PCDH9: variants seen among roughly 807,000 people sequenced by gnomAD.
PCDH9 encodes protocadherin-9.
In PCDH9, 24 loss-of-function variants were observed where a neutral mutation model predicts 70.6. The ratio of observed to expected loss-of-function variants is 0.34; its 90% CI spans 0.25 to 0.48. The LOEUF (loss-of-function observed/expected upper bound fraction) is 0.48. Ranked by LOEUF, PCDH9 falls within the 20% of genes least tolerant of loss-of-function variation. The probability of loss-of-function intolerance (pLI) is 0.99; values close to 1 mark genes in which losing one functional copy is unlikely to be tolerated. For missense variants in PCDH9, 1,281 were observed against 1,503.6 expected (o/e 0.85, Z 2.45); for synonymous variants, 562 against 558.5 (o/e 1.01, Z -0.09).
chr13:66,433,235 TA>T (rs775945943), intron 4 of PCDH9, among the ~76,000 whole-genome samples: 3 of 151,992 alleles, frequency 2.0e-5, no homozygotes, highest in Non-Finnish European at 4.4e-5. Context: ...AAATGTTAAT[TA>T]AAAGAATAAA....
chr13:66,982,692 C>T lies in PCDH9; in HGVS notation c.3037-79087G>A, dbSNP rs190938231. Among the ~76,000 whole-genome samples the T allele has an allele frequency of 8.5e-5, 13 of 152,174 alleles. No homozygotes were observed. The East Asian group carries it at 2.5e-3, about 29-fold the overall frequency. The stretch of plus-strand genomic sequence containing the variant: ...AACTAACTTGTTCAGGGTAGGACTC[C>T]CCTGAAACCCTACCTTGTAAACAAA... On this transcript the variant is annotated intron_variant, in intron 2 of 4. Transcript: ENST00000377865.
intron 2 of PCDH9, among the ~76,000 whole-genome samples, chr13:67,184,251 T>C (rs1417201095): frequency 6.6e-6 from 1 of 152,178 alleles, no homozygotes; most frequent in Non-Finnish European, 1.5e-5. Flanking sequence ...AATTAAGGCA[T>C]ACAGCTTGTT....
intron 2 of PCDH9, among the ~76,000 whole-genome samples, chr13:67,050,868 C>G (rs747314228): frequency 2.0e-5 from 3 of 151,894 alleles, no homozygotes; most frequent in Non-Finnish European, 4.4e-5. Flanking sequence ...TCCCTAGGTA[C>G]AAAACAACAT....
intron 4 of PCDH9, among the ~76,000 whole-genome samples, chr13:66,500,316 A>G (rs1163214975): frequency 2.0e-5 from 3 of 152,180 alleles, no homozygotes; most frequent in East Asian, 1.9e-4. Context: ...GCAAAGAGCT[A>G]TCTGGGCTCC....
chr13:66,889,334 A>T (rs2082059347), intron 3 of PCDH9, among the ~76,000 whole-genome samples: 1 of 152,170 alleles, frequency 6.6e-6, no homozygotes, highest in South Asian at 2.1e-4. Context: ...TCTCTTCAAC[A>T]TGTGGAAGAA....
Position 66,304,403 on chromosome 13 carries a change from T to C in PCDH9, c.*252A>G. On this transcript the variant is annotated 3_prime_UTR_variant, in exon 5 of 5. Transcript: ENST00000377865. ...AGTCCAGGGTCAAAATAAAATGCAA[T>C]AATAAAAAAAATTTGCACAATGGAG... 3 of 377,540 alleles carry C rather than the reference T, an allele frequency of 7.9e-6. No individual in the cohort carries two copies. The highest frequency in any genetic ancestry group is 1.4e-5 in the Non-Finnish European group (3 of 209,368). 23.4% of individuals were successfully genotyped at this position (377,540 alleles called of 1,614,324 possible). A position where few individuals can be genotyped will look rare whatever the true frequency, so the allele number is the denominator to read the frequency against.
At chr13:66,986,829 A>G (rs2083900666) in intron 2 of PCDH9, among the ~76,000 whole-genome samples, 1 of 152,024 alleles carries the variant, frequency 6.6e-6, no homozygotes, top group Non-Finnish European at 1.5e-5. Flanking sequence ...GTTTAAAATA[A>G]AATGAAAACA....
intron 4 of PCDH9, among the ~76,000 whole-genome samples, chr13:66,445,357 A>G (rs1421320788): frequency 6.8e-6 from 1 of 147,300 alleles, no homozygotes; most frequent in Non-Finnish European, 1.5e-5. Context: ...AAGTTAGTTG[A>G]AATGCTATAC....
intron 2 of PCDH9, among the ~76,000 whole-genome samples, chr13:66,951,434 A>G (rs955225487): frequency 6.6e-6 from 1 of 152,082 alleles, no homozygotes; most frequent in Non-Finnish European, 1.5e-5. Context: ...TTTGTTTTTC[A>G]TATCAGAAAG....
At chr13:67,062,462 T>C (rs1266659957) in intron 2 of PCDH9, among the ~76,000 whole-genome samples, 1 of 152,170 alleles carries the variant, frequency 6.6e-6, no homozygotes, top group African/African-American at 2.4e-5. Context: ...TCTCAGATAA[T>C]ATAAAAGGCA....
intron 4 of PCDH9, among the ~76,000 whole-genome samples, chr13:66,620,729 T>A (rs2077412022): frequency 6.6e-6 from 1 of 152,090 alleles, no homozygotes; most frequent in African/African-American, 2.4e-5. Flanking sequence ...GTTTATAAAA[T>A]CTTCATAGCA....
chr13:67,207,928 T>C (rs1004782672), intron 2 of PCDH9: 4 of 152,210 alleles, frequency 2.6e-5, no homozygotes, highest in African/African-American at 9.6e-5. Context: ...CAATTCCTAA[T>C]GAATTTATTC....
At chr13:66,419,806 G>A (rs1321184308) in intron 4 of PCDH9, among the ~76,000 whole-genome samples, 2 of 149,204 alleles carry the variant, frequency 1.3e-5, no homozygotes, top group Non-Finnish European at 3.0e-5. Flanking sequence ...TAACACCAGC[G>A]AAACAGAACT....
At chr13:66,762,026 C>G (rs1192407814) in intron 3 of PCDH9, among the ~76,000 whole-genome samples, 1 of 152,006 alleles carries the variant, frequency 6.6e-6, no homozygotes, top group African/African-American at 2.4e-5. Flanking sequence ...CTGAAAATGC[C>G]TTTCAACAGT....
intron 4 of PCDH9, among the ~76,000 whole-genome samples, chr13:66,584,047 T>C (rs1002098791): frequency 5.3e-5 from 8 of 152,174 alleles, no homozygotes; most frequent in African/African-American, 1.9e-4. Flanking sequence ...TCCAAACCCA[T>C]TGCAGACACT....
intron 2 of PCDH9, among the ~76,000 whole-genome samples, chr13:66,980,310 A>C (rs2083716495): frequency 6.6e-6 from 1 of 152,154 alleles, no homozygotes; most frequent in Non-Finnish European, 1.5e-5. Flanking sequence ...ACACACGTAC[A>C]CACAAATGAC....
chr13:66,305,336 A>C (rs1955446860), intron 4 of PCDH9, among the ~76,000 whole-genome samples: 1 of 152,062 alleles, frequency 6.6e-6, no homozygotes, highest in African/African-American at 2.4e-5. Flanking sequence ...ATGTATACAG[A>C]TATAACCATG....
intron 2 of PCDH9, among the ~76,000 whole-genome samples, chr13:67,041,000 C>T (rs1347685722): frequency 6.6e-6 from 1 of 151,888 alleles, no homozygotes; most frequent in East Asian, 1.9e-4. Context: ...ATTTTTGAAA[C>T]TTCTTCATCC....
intron 4 of PCDH9, among the ~76,000 whole-genome samples, chr13:66,622,630 G>A (rs1566462178): frequency 6.6e-6 from 1 of 152,136 alleles, no homozygotes; most frequent in Non-Finnish European, 1.5e-5. Context: ...TAGCTAATCT[G>A]GTGGCCTAGT....
Sources: allele counts gnomAD v4.1 joint callset (sites outside exome capture counted in the v4.1 genomes callset), GRCh38; gene constraint gnomAD v4.1.1; transcripts MANE v1.5; gene names NCBI Gene and HGNC (gene_info 2026-07-23, HGNC 2026-07-21).